PHC3: variants seen among roughly 807,000 people sequenced by gnomAD.
The protein encoded by PHC3 is polyhomeotic homolog 3.
Under a neutral mutation model 107.4 loss-of-function variants are expected in PHC3, and 13 were observed. That is an observed-to-expected ratio of 0.12 (90% CI 0.08 to 0.19). The LOEUF is 0.19. PHC3 is among the 10% of genes least tolerant of loss of function. PHC3 has a pLI of 1.00. For missense variants in PHC3, 992 were observed against 1,210.9 expected (o/e 0.82, Z 2.68); for synonymous variants, 456 against 427.4 (o/e 1.07, Z -0.83).
rs907379973 is a variant in PHC3, at chr3:170,091,804, A to G, written c.*5426T>C. Reference sequence around the variant, plus strand: ...CAAAAAAAAGCTTTCTCATAGTACAATTTTAAAACGGATTAGGTTCTAAAA... The same window carrying G: ...CAAAAAAAAGCTTTCTCATAGTACAGTTTTAAAACGGATTAGGTTCTAAAA... On this transcript the variant is annotated 3_prime_UTR_variant, in exon 15 of 15. Transcript: ENST00000495893. 12 of 151,890 alleles carry G rather than the reference A, an allele frequency of 7.9e-5. No homozygotes were observed. Among genetic ancestry groups the G allele is most frequent in the Non-Finnish European group, 7.4e-5 (5 of 67,778 alleles). 9.4% of individuals were successfully genotyped at this position (151,890 alleles called of 1,614,324 possible). A position where few individuals can be genotyped will look rare whatever the true frequency, so the allele number is the denominator to read the frequency against.
intron 4 of PHC3, among the ~76,000 whole-genome samples, chr3:170,151,685 C>A (rs945069904): frequency 6.6e-6 from 1 of 152,214 alleles, no homozygotes; most frequent in African/African-American, 2.4e-5. Context: ...GCTGGAAAAG[C>A]TCCACCCATA....
intron 12 of PHC3, among the ~76,000 whole-genome samples, chr3:170,104,801 C>T (rs1284111916): frequency 1.3e-5 from 2 of 152,220 alleles, no homozygotes; most frequent in Non-Finnish European, 1.5e-5. Flanking sequence ...TAAAACAATT[C>T]GAGATCCTGC....
chr3:170,159,123 C>A (rs550307931), intron 4 of PHC3, among the ~76,000 whole-genome samples: 43 of 151,298 alleles, frequency 2.8e-4, no homozygotes, highest in Non-Finnish European at 5.2e-4. Context: ...TGGTGGCAGG[C>A]GCCTGCAGTC....
rs1723098360 is a variant in PHC3 at position 170,136,521 on chromosome 3, C to T, written c.817G>A (p.Asp273Asn). 2 of 1,608,964 alleles carry T rather than the reference C, an allele frequency of 1.2e-6. No individual in the cohort carries two copies. The highest frequency in any genetic ancestry group is 1.7e-6 in the Non-Finnish European group (2 of 1,177,960). The change falls in exon 7 of 15, where the codon GAT becomes AAT. Residue 273 changes from aspartate to asparagine, a missense_variant. Transcript: ENST00000495893. ...TTCTTATTACTTTCTGGAGAAGGAT[C>T]TCGTTGGCTGATTTTAGAACTGGTC... ...TVTSSKISQR[D>N]PSPESNKKGE... is the part of the protein sequence containing the mutation.
At chr3:170,170,460 C>T (rs1480728825) in intron 4 of PHC3, 2 of 150,840 alleles carry the variant, frequency 1.3e-5, no homozygotes, top group Non-Finnish European at 2.9e-5. Flanking sequence ...TCATAATGTC[C>T]ATAGTGATGA....
At chr3:170,103,074 C>T in intron 12 of PHC3, 140 bp from the exon 13 acceptor site, 1 of 867,020 alleles carries the variant, frequency 1.2e-6, no homozygotes, top group Non-Finnish European at 1.8e-6. Flanking sequence ...CATAAAGTAA[C>T]TACACTGTTC....
At chr3:170,171,289 A>G in intron 4 of PHC3, 84 bp downstream of exon 4, 1 of 950,758 alleles carries the variant, frequency 1.1e-6, no homozygotes, top group Non-Finnish European at 1.6e-6. Flanking sequence ...TTATAATAAC[A>G]GCTTCATAAA....
At chr3:170,137,634 G>A (rs550410932) in intron 6 of PHC3, among the ~76,000 whole-genome samples, 1 of 152,102 alleles carries the variant, frequency 6.6e-6, no homozygotes, top group African/African-American at 2.4e-5. Flanking sequence ...ATGCTCAAAA[G>A]CTATACCTTC....
chr3:170,145,285 G>GT (rs1724764194), intron 6 of PHC3, 138 bp downstream of exon 6: 5 of 571,576 alleles, frequency 8.7e-6, no homozygotes, highest in Admixed American at 3.7e-5. Flanking sequence ...AGTTCTCATT[G>GT]TATTTTATTA....
chr3:170,126,011 AGGAAT>A, intron 8 of PHC3: 1 of 971,462 alleles, frequency 1.0e-6, no homozygotes, highest in Non-Finnish European at 1.2e-6. Context: ...AAATAAACTG[AGGAAT>A]ATTTGTTTAT....
chr3:170,136,333 T>C, intron 7 of PHC3, 86 bp downstream of exon 7: 1 of 1,510,628 alleles, frequency 6.6e-7, no homozygotes. Context: ...GTGTCACTCC[T>C]GTTCAAGTCA....
intron 9 of PHC3, 73 bp from the exon 10 acceptor site, chr3:170,117,549 G>C: frequency 6.9e-7 from 1 of 1,445,496 alleles, no homozygotes; most frequent in Non-Finnish European, 9.3e-7. Context: ...GAGAATTAAG[G>C]AATAAATAAT....
At chr3:170,107,029 T>G in intron 11 of PHC3, 83 bp from the exon 12 acceptor site, 3 of 904,964 alleles carry the variant, frequency 3.3e-6, no homozygotes, top group Non-Finnish European at 4.9e-6. Context: ...TTTGGTTGGA[T>G]ACTGCTAGCA....
At position 170,097,291 on chromosome 3, in the gene PHC3, T is replaced by C; in HGVS notation, c.2927A>G (p.Asn976Ser). The change falls in exon 15 of 15, where the codon AAT becomes AGT. Residue 976 changes from asparagine to serine, a missense_variant. Asn to Ser is a conservative substitution (Grantham distance 46). This residue lies in a region of PHC3 where 21 missense variants were observed against 52.5 expected (regional missense o/e 0.40). Coordinates refer to ENST00000495893, the MANE Select transcript of PHC3 (RefSeq NM_024947.4). This position sits in a 1 kb window ranked among gnomAD's most constrained non-coding sequence, Gnocchi z 4.1. Reference sequence around the variant, plus strand: ...CTTCAGGGCTGGGCCTAGCTTGATATTCATTGCACTCATGAGATGGTCTTC... The same window carrying C: ...CTTCAGGGCTGGGCCTAGCTTGATACTCATTGCACTCATGAGATGGTCTTC... ...LKEDHLMSAM[N>S]IKLGPALKIC... is the part of the protein sequence containing the mutation. 1 of 1,613,620 alleles carries C rather than the reference T, an allele frequency of 6.2e-7. No homozygotes were observed. The highest frequency in any genetic ancestry group is 8.5e-7 in the Non-Finnish European group (1 of 1,179,604).
At chr3:170,162,448 C>T (rs1254207819) in intron 4 of PHC3, among the ~76,000 whole-genome samples, 2 of 152,172 alleles carry the variant, frequency 1.3e-5, no homozygotes, top group Non-Finnish European at 2.9e-5. Context: ...TGGAGTCATC[C>T]TTGACTCCTC....
intron 4 of PHC3, among the ~76,000 whole-genome samples, chr3:170,166,100 A>G (rs565020594): frequency 1.8e-4 from 27 of 152,012 alleles, no homozygotes; most frequent in African/African-American, 6.0e-4. Context: ...GATGGAGTGC[A>G]GTGGTGTGAT....
At chr3:170,144,927 T>C (rs1724707980) in intron 6 of PHC3, among the ~76,000 whole-genome samples, 1 of 152,168 alleles carries the variant, frequency 6.6e-6, no homozygotes, top group Non-Finnish European at 1.5e-5. Context: ...GGCTGGTCTT[T>C]AATGCCTGAG....
chr3:170,133,042 GTATAC>G (rs1350797744), intron 7 of PHC3, among the ~76,000 whole-genome samples: 1 of 152,014 alleles, frequency 6.6e-6, no homozygotes, highest in Non-Finnish European at 1.5e-5. Flanking sequence ...CAATAACCAT[GTATAC>G]TATAATAATT....
In PHC3 at chr3:170,136,519, A is replaced by C; in HGVS notation, c.819T>G (p.Asp273Glu). 6.2e-7 allele frequency: 1 copy of C among 1,608,854 alleles called. No homozygotes were observed. The highest frequency in any genetic ancestry group is 8.5e-7 in the Non-Finnish European group (1 of 1,177,924). Residue 273 changes from aspartate to glutamate, a missense_variant, in exon 7 of 15, where the codon GAT (aspartate) becomes GAG (glutamate). Physicochemically the swap from Asp to Glu is conservative, Grantham distance 45. Transcript: ENST00000495893. ...CTTTCTTATTACTTTCTGGAGAAGG[A>C]TCTCGTTGGCTGATTTTAGAACTGG... is the stretch of plus-strand genomic sequence containing the variant. ...TVTSSKISQR[D>E]PSPESNKKGE...
Sources: gnomAD v4.1 joint callset for allele counts (sites outside exome capture counted in the v4.1 genomes callset) on GRCh38, gnomAD v4.1.1 for gene constraint, gnomAD v4.1.1 regional missense constraint, Gnocchi (gnomAD v3.1) non-coding constraint, MANE v1.5 for transcripts, NCBI Gene and HGNC (gene_info 2026-07-23, HGNC 2026-07-21) for gene names.